The following SGCZ variants were observed in gnomAD, a reference collection of about 807,000 sequenced individuals.
The protein encoded by SGCZ is zeta-sarcoglycan.
A neutral mutation model predicts 41.3 loss-of-function variants in SGCZ; 40 were observed. The ratio of observed to expected loss-of-function variants is 0.97; its 90% CI spans 0.75 to 1.26. The LOEUF is 1.26. SGCZ is among the 50% of genes most tolerant of loss of function. The pLI is 0.00. For missense variants in SGCZ, 552 were observed against 369.8 expected (o/e 1.49, Z -4.04); for synonymous variants, 206 against 137.5 (o/e 1.50, Z -3.49).
intron 1 of SGCZ, among the ~76,000 whole-genome samples, chr8:14,693,052 A>T (rs912248349): frequency 3.3e-5 from 5 of 152,180 alleles, no homozygotes; most frequent in African/African-American, 7.2e-5. Context: ...TTCTCTGTTT[A>T]TACATTTCAG....
chr8:15,087,594 T>C (rs1164564730), intron 1 of SGCZ, among the ~76,000 whole-genome samples: 1 of 152,186 alleles, frequency 6.6e-6, no homozygotes, highest in Non-Finnish European at 1.5e-5. Context: ...AGAATAAATC[T>C]CTTAGACATG....
At chr8:14,450,992 G>A (rs1392391508) in intron 2 of SGCZ, among the ~76,000 whole-genome samples, 1 of 152,158 alleles carries the variant, frequency 6.6e-6, no homozygotes, top group Non-Finnish European at 1.5e-5. Flanking sequence ...TCAATGTGCT[G>A]TGCAAAATAC....
At chr8:14,830,774 T>A (rs1175914375) in intron 1 of SGCZ, among the ~76,000 whole-genome samples, 1 of 152,160 alleles carries the variant, frequency 6.6e-6, no homozygotes, top group African/African-American at 2.4e-5. Flanking sequence ...ATATATTTGG[T>A]CACAACATCT....
At chr8:14,139,932 C>G (rs1170560474) in intron 5 of SGCZ, among the ~76,000 whole-genome samples, 1 of 151,906 alleles carries the variant, frequency 6.6e-6, no homozygotes, top group Non-Finnish European at 1.5e-5. Context: ...TGCAAAAATC[C>G]TCAATAAAAT....
intron 3 of SGCZ, among the ~76,000 whole-genome samples, chr8:14,255,266 C>T (rs1231987764): frequency 2.0e-5 from 3 of 152,136 alleles, no homozygotes; most frequent in African/African-American, 7.2e-5. Flanking sequence ...TAGATAATTT[C>T]CTGATACTTT....
intron 1 of SGCZ, among the ~76,000 whole-genome samples, chr8:15,070,012 G>GT (rs1449373641): frequency 2.0e-5 from 3 of 151,948 alleles, no homozygotes; most frequent in African/African-American, 7.3e-5. Flanking sequence ...TAAGTATGTT[G>GT]TTTTTGGTGT....
At chr8:14,738,458 T>A (rs1799111325) in intron 1 of SGCZ, among the ~76,000 whole-genome samples, 1 of 152,152 alleles carries the variant, frequency 6.6e-6, no homozygotes, top group Non-Finnish European at 1.5e-5. Flanking sequence ...AAAAAAGTTT[T>A]TAATTTTTCT....
chr8:14,095,482 A>G (rs993759603), intron 7 of SGCZ, among the ~76,000 whole-genome samples: 3 of 151,512 alleles, frequency 2.0e-5, no homozygotes, highest in Non-Finnish European at 4.4e-5. Flanking sequence ...TGGTACCAGT[A>G]CCATGCTGTT....
intron 2 of SGCZ, among the ~76,000 whole-genome samples, chr8:14,360,297 A>G (rs10092992): frequency 0.37 from 55,869 of 151,876 alleles, 11,273 homozygotes; most frequent in African/African-American, 0.54. Flanking sequence ...AAGGGCATCC[A>G]AATTGGAAAC....
chr8:15,011,220 G>A (rs758228487), intron 1 of SGCZ, among the ~76,000 whole-genome samples: 5 of 151,994 alleles, frequency 3.3e-5, no homozygotes, highest in African/African-American at 4.8e-5. Context: ...TTCATTACAC[G>A]CTTTTTTTAA....
intron 2 of SGCZ, among the ~76,000 whole-genome samples, chr8:14,402,466 T>G (rs1361822303): frequency 2.6e-5 from 4 of 151,484 alleles, no homozygotes; most frequent in African/African-American, 4.9e-5. Flanking sequence ...GATTTTTGTA[T>G]AAGGTGTAAG....
At chr8:14,098,638 T>C (rs1457503732) in intron 7 of SGCZ, among the ~76,000 whole-genome samples, 1 of 152,186 alleles carries the variant, frequency 6.6e-6, no homozygotes, top group Non-Finnish European at 1.5e-5. Context: ...GTCTACAGGC[T>C]GGGAGTTGAG....
chr8:14,412,526 G>A (rs1585474719), intron 2 of SGCZ, among the ~76,000 whole-genome samples: 1 of 152,174 alleles, frequency 6.6e-6, no homozygotes, highest in Admixed American at 6.6e-5. Flanking sequence ...TTTTGCAGCT[G>A]TTCTGTTTAA....
At chr8:15,116,374 CAGATA>C (rs1306551476) in intron 1 of SGCZ, among the ~76,000 whole-genome samples, 1 of 152,170 alleles carries the variant, frequency 6.6e-6, no homozygotes, top group Non-Finnish European at 1.5e-5. Context: ...ATGAAACCTA[CAGATA>C]AGATAATACT....
intron 1 of SGCZ, among the ~76,000 whole-genome samples, chr8:14,852,640 A>G (rs929170767): frequency 1.3e-5 from 2 of 152,188 alleles, no homozygotes; most frequent in African/African-American, 2.4e-5. Context: ...CCAGATGCCT[A>G]TAGTCTCCCC....
At chr8:14,170,315 G>T (rs1804340133) in intron 4 of SGCZ, among the ~76,000 whole-genome samples, 2 of 152,066 alleles carry the variant, frequency 1.3e-5, no homozygotes, top group African/African-American at 4.8e-5. Context: ...CATAGCCTTT[G>T]TATTAGGTAA....
At chr8:14,964,744 A>G (rs983817418) in intron 1 of SGCZ, among the ~76,000 whole-genome samples, 2 of 152,146 alleles carry the variant, frequency 1.3e-5, no homozygotes, top group East Asian at 3.9e-4. Flanking sequence ...TCCAGCCCAG[A>G]GCAATTCTCA....
At chr8:14,683,722 G>T (rs1287572198) in intron 1 of SGCZ, among the ~76,000 whole-genome samples, 1 of 151,998 alleles carries the variant, frequency 6.6e-6, no homozygotes, top group East Asian at 1.9e-4. Flanking sequence ...TTTTTGGTTT[G>T]TTTTATTCTT....
At chr8:14,683,762 C>T (rs531868863) in intron 1 of SGCZ, among the ~76,000 whole-genome samples, 2 of 152,078 alleles carry the variant, frequency 1.3e-5, no homozygotes, top group African/African-American at 2.4e-5. Context: ...AAAAATATTG[C>T]CATCATTCTT....
Sources: allele counts gnomAD v4.1 joint callset (sites outside exome capture counted in the v4.1 genomes callset), GRCh38; gene constraint gnomAD v4.1.1; transcripts MANE v1.5; gene names NCBI Gene and HGNC (gene_info 2026-07-23, HGNC 2026-07-21).